The following PTK2B variants were observed in gnomAD, a reference collection of about 807,000 sequenced individuals.
PTK2B encodes protein tyrosine kinase 2 beta, also known as protein-tyrosine kinase 2-beta.
In PTK2B, 71 loss-of-function variants were observed where a neutral mutation model predicts 142.9. The observed-to-expected ratio is 0.50, with a 90% CI of 0.41 to 0.61. The LOEUF is 0.61. Among genes scored for constraint, PTK2B ranks in the 20% least tolerant of loss-of-function variants. The pLI, the probability that PTK2B is intolerant of heterozygous loss-of-function variation, is 0.00. For missense variants in PTK2B, 1,105 were observed against 1,320.4 expected, an observed-to-expected ratio of 0.84 and a Z score of 2.53; for synonymous variants, 519 against 503.4, an observed-to-expected ratio of 1.03 and a Z score of -0.42.
At chr8:27,311,503 C>T (rs1289476563) in exon 1 of PTK2B, 2 of 528,252 alleles carry the variant, frequency 3.8e-6, no homozygotes, top group Admixed American at 3.8e-5. Flanking sequence ...CTCCTCAGGT[C>T]CGGGCGGGTC....
intron 2 of PTK2B, among the ~76,000 whole-genome samples, chr8:27,409,570 C>A (rs1187818231): frequency 6.6e-6 from 1 of 152,094 alleles, no homozygotes; most frequent in Non-Finnish European, 1.5e-5. Context: ...GGGAAAAAAA[C>A]CCAAAGGGAG....
At chr8:27,421,567 C>G (rs974698255) in intron 4 of PTK2B, among the ~76,000 whole-genome samples, 14 of 152,202 alleles carry the variant, frequency 9.2e-5, no homozygotes, top group African/African-American at 3.4e-4. Context: ...GTTTTCCATT[C>G]TGGAGTTAAT....
chr8:27,439,202 A>T (rs1810994043), intron 19 of PTK2B, 71 bp downstream of exon 19: 3 of 1,567,720 alleles, frequency 1.9e-6, no homozygotes, highest in South Asian at 1.1e-5. Flanking sequence ...AGAAGAAGGA[A>T]GTCTACAGTT....
Position 27,458,713 on chromosome 8 carries a change from G to A in PTK2B, c.*204G>A. ...CTGGACAGAGGGGACTCTGGGCTAT[G>A]GACACAGGGTGACGGTGACAAAGAT... On this transcript the variant is annotated 3_prime_UTR_variant, in exon 31 of 31. Transcript: ENST00000346049. 8.2e-6 allele frequency: 5 copies of A among 606,842 alleles called. No individual in the cohort carries two copies. In the South Asian group the frequency reaches 9.8e-5, roughly 12 times the overall value. 37.6% of individuals were successfully genotyped at this position (606,842 alleles called of 1,614,324 possible). A position where few individuals can be genotyped will look rare whatever the true frequency, so the allele number is the denominator to read the frequency against.
chr8:27,323,999 A>G (rs532641051), upstream of PTK2B, among the ~76,000 whole-genome samples: 2 of 152,176 alleles, frequency 1.3e-5, no homozygotes, highest in Non-Finnish European at 2.9e-5. Flanking sequence ...ACCTCCTAGT[A>G]CAGACTCTCA....
chr8:27,380,731 A>T (rs950236237), intron 1 of PTK2B: 1 of 152,182 alleles, frequency 6.6e-6, no homozygotes, highest in Non-Finnish European at 1.5e-5. Flanking sequence ...CCGCCCTGGG[A>T]GGGAGGCCTG....
upstream of PTK2B, among the ~76,000 whole-genome samples, chr8:27,310,530 T>C (rs192933985): frequency 2.0e-3 from 301 of 152,398 alleles, 1 homozygote; most frequent in African/African-American, 6.7e-3. Context: ...GCCTGGGCCC[T>C]TCAGAAGCAA....
chr8:27,410,091 AAAAC>A (rs1026243512), intron 2 of PTK2B, among the ~76,000 whole-genome samples: 23 of 152,348 alleles, frequency 1.5e-4, no homozygotes, highest in African/African-American at 2.6e-4. Context: ...TCATCTTACT[AAAAC>A]AAACAAACAA....
At chr8:27,364,221 A>G (rs899409287) in intron 1 of PTK2B, among the ~76,000 whole-genome samples, 15 of 152,212 alleles carry the variant, frequency 9.9e-5, no homozygotes, top group Non-Finnish European at 2.1e-4. Flanking sequence ...AGAGGCTGTA[A>G]GCTGCCTTCC....
In PTK2B at chr8:27,444,200, C is replaced by A; in HGVS notation, c.2149-6C>A. 1 of 1,611,944 alleles carries A rather than the reference C, an allele frequency of 6.2e-7. No homozygotes were observed. Among genetic ancestry groups the A allele is most frequent in the Non-Finnish European group, 8.5e-7 (1 of 1,178,056 alleles). Reference sequence around the variant, plus strand: ...AGAGACTGACCCATCTGTGTTCTCTCTCCAGCCCAGCCGACCTAAGTACAG... The same window carrying A: ...AGAGACTGACCCATCTGTGTTCTCTATCCAGCCCAGCCGACCTAAGTACAG... On this transcript the variant is annotated splice_region_variant and splice_polypyrimidine_tract_variant and intron_variant, in intron 22 of 30. Transcript: ENST00000346049.
At chr8:27,385,191 G>C (rs1807272708) in intron 1 of PTK2B, among the ~76,000 whole-genome samples, 2 of 152,164 alleles carry the variant, frequency 1.3e-5, no homozygotes, top group Admixed American at 1.3e-4. Flanking sequence ...ATTGTGCATG[G>C]AAAGTGCTAG....
At chr8:27,382,316 C>T (rs1807077330) in intron 1 of PTK2B, among the ~76,000 whole-genome samples, 1 of 152,022 alleles carries the variant, frequency 6.6e-6, no homozygotes. Flanking sequence ...TATTATTTAC[C>T]ATTGAGTTGT....
chr8:27,369,665 A>G (rs1002583541), intron 1 of PTK2B, among the ~76,000 whole-genome samples: 1 of 151,442 alleles, frequency 6.6e-6, no homozygotes, highest in East Asian at 1.9e-4. Flanking sequence ...GTGAGACTCC[A>G]TCTCAAAAAC....
chr8:27,451,375 C>T, intron 26 of PTK2B, 110 bp from the exon 27 acceptor site: 1 of 1,535,422 alleles, frequency 6.5e-7, no homozygotes. Context: ...GACCCCATGG[C>T]TGTAATCTCT....
chr8:27,445,720 C>T (rs1465030540), intron 23 of PTK2B, 74 bp from the exon 24 acceptor site: 5 of 1,590,916 alleles, frequency 3.1e-6, no homozygotes, highest in East Asian at 2.2e-5. Flanking sequence ...TCTTTGTGCT[C>T]GTGTTTGTAG....
chr8:27,454,704 T>A, intron 30 of PTK2B, 93 bp downstream of exon 30: 2 of 1,307,316 alleles, frequency 1.5e-6, no homozygotes, highest in African/African-American at 1.5e-5. Context: ...CTGGGCAACC[T>A]CATGTCTGTC....
intron 1 of PTK2B, among the ~76,000 whole-genome samples, chr8:27,388,204 A>C (rs11787212): frequency 0.36 from 54,327 of 152,120 alleles, 10,733 homozygotes; most frequent in Middle Eastern, 0.5. Flanking sequence ...GCATTGATTC[A>C]TCATGGTACC....
At chr8:27,310,840 G>C (rs1017223895), upstream of PTK2B, 1 of 1,608,496 alleles carries the variant, frequency 6.2e-7, no homozygotes, top group Non-Finnish European at 8.5e-7. Flanking sequence ...GCTGCACGCG[G>C]TGCCCCTGGT....
chr8:27,367,805 A>G (rs1806110911), intron 1 of PTK2B, among the ~76,000 whole-genome samples: 1 of 152,194 alleles, frequency 6.6e-6, no homozygotes, highest in Non-Finnish European at 1.5e-5. Context: ...TTAAACAATC[A>G]GATCTCACAT....
Sources: allele counts gnomAD v4.1 joint callset (sites outside exome capture counted in the v4.1 genomes callset), GRCh38; gene constraint gnomAD v4.1.1; transcripts MANE v1.5; gene names NCBI Gene and HGNC (gene_info 2026-07-23, HGNC 2026-07-21).